The following GLMN variants were observed in gnomAD, a reference collection of about 807,000 sequenced individuals.
The protein encoded by GLMN is glomulin.
In GLMN, 75 loss-of-function variants were observed where a neutral mutation model predicts 87.8. The ratio of observed to expected loss-of-function variants is 0.85; its 90% CI spans 0.71 to 1.04. The LOEUF is 1.04. Among genes scored for constraint, GLMN ranks in the 50% least tolerant of loss-of-function variants. The pLI is 0.00. For missense variants in GLMN, 588 were observed against 658.8 expected, an observed-to-expected ratio of 0.89 and a Z score of 1.18; for synonymous variants, 206 against 221.6, an observed-to-expected ratio of 0.93 and a Z score of 0.63.
chr1:92,303,180 A>G, upstream of GLMN, among the ~76,000 whole-genome samples: 1 of 152,206 alleles, frequency 6.6e-6, no homozygotes, highest in East Asian at 1.9e-4. Context: ...AGTGTAGTTG[A>G]TAGATCTTTT....
chr1:92,320,737 A>G, the GLMN span: 1 of 808,066 alleles, frequency 1.2e-6, no homozygotes, highest in Non-Finnish European at 2.0e-6. Context: ...GTGCTGATGC[A>G]TTATGTAAGT....
the GLMN span, chr1:92,323,741 TA>T: frequency 1.2e-6 from 2 of 1,614,132 alleles, no homozygotes; most frequent in Non-Finnish European, 1.7e-6. Flanking sequence ...ACTGAGCAGT[TA>T]GGCGATTGCA....
At chr1:92,358,972 A>G in the GLMN span, among the ~76,000 whole-genome samples, 1 of 152,118 alleles carries the variant, frequency 6.6e-6, no homozygotes, top group African/African-American at 2.4e-5. Context: ...TCATCCACTC[A>G]CCTACCAAAC....
At chr1:92,254,861 A>G (rs1654012064) in intron 16 of GLMN, among the ~76,000 whole-genome samples, 1 of 152,238 alleles carries the variant, frequency 6.6e-6, no homozygotes, top group Non-Finnish European at 1.5e-5. Context: ...ACTAATTGGC[A>G]AAATAACCAG....
chr1:92,285,551 C>T (rs1648646743), intron 7 of GLMN, among the ~76,000 whole-genome samples: 1 of 152,186 alleles, frequency 6.6e-6, no homozygotes, highest in South Asian at 2.1e-4. Flanking sequence ...CAACATGGCA[C>T]ATGTATACCT....
chr1:92,260,693 G>A (rs1654921303), intron 16 of GLMN, among the ~76,000 whole-genome samples: 1 of 149,462 alleles, frequency 6.7e-6, no homozygotes, highest in African/African-American at 2.5e-5. Flanking sequence ...GGGAGTTTGA[G>A]GCAGCAGTGA....
intron 16 of GLMN, 78 bp from the exon 17 acceptor site, chr1:92,248,067 AAAC>A: frequency 1.3e-6 from 1 of 741,568 alleles, no homozygotes; most frequent in Non-Finnish European, 2.5e-6. Context: ...AAAGCTCAAA[AAAC>A]AAAAATAAAT....
the GLMN span, among the ~76,000 whole-genome samples, chr1:92,337,173 A>T: frequency 4.4e-4 from 67 of 152,228 alleles, no homozygotes; most frequent in African/African-American, 1.5e-3. Context: ...AGGGTGGAAG[A>T]ATTAATTCAT....
intron 8 of GLMN, among the ~76,000 whole-genome samples, chr1:92,271,013 A>G (rs1656183127): frequency 1.3e-5 from 2 of 152,214 alleles, no homozygotes; most frequent in Non-Finnish European, 2.9e-5. Context: ...TCTTAAAGCA[A>G]TAAAAAGCCA....
At chr1:92,334,686 A>T in the GLMN span, among the ~76,000 whole-genome samples, 1 of 152,150 alleles carries the variant, frequency 6.6e-6, no homozygotes, top group South Asian at 2.1e-4. Context: ...CATCTCTACA[A>T]AAATAAAAAT....
chr1:92,325,282 G>A, the GLMN span, among the ~76,000 whole-genome samples: 454 of 152,226 alleles, frequency 3.0e-3, 1 homozygote, highest in Non-Finnish European at 4.4e-3. Context: ...AAATTTAAAA[G>A]CACATTGGAG....
At chr1:92,342,818 G>T in the GLMN span, among the ~76,000 whole-genome samples, 1 of 152,102 alleles carries the variant, frequency 6.6e-6, no homozygotes, top group East Asian at 1.9e-4. Context: ...ATTCTGGAAG[G>T]ATAGGGTAAG....
chr1:92,288,875 C>T, intron 6 of GLMN, 39 bp downstream of exon 6: 1 of 962,072 alleles, frequency 1.0e-6, no homozygotes, highest in East Asian at 2.4e-5. Flanking sequence ...CTATCAATTA[C>T]TTAAGTCCAC....
chr1:92,263,047 T>G (rs1655222216), intron 15 of GLMN, 121 bp from the exon 16 acceptor site: 2 of 545,776 alleles, frequency 3.7e-6, no homozygotes, highest in African/African-American at 3.8e-5. Context: ...CTATTTCCAT[T>G]AATATCTTTT....
At chr1:92,313,603 A>G in the GLMN span, among the ~76,000 whole-genome samples, 2 of 152,142 alleles carry the variant, frequency 1.3e-5, no homozygotes, top group African/African-American at 4.8e-5. Flanking sequence ...GGATTTTCAG[A>G]ATAATAAATA....
the GLMN span, among the ~76,000 whole-genome samples, chr1:92,328,233 A>C: frequency 6.6e-6 from 1 of 152,184 alleles, no homozygotes; most frequent in Non-Finnish European, 1.5e-5. Context: ...TTCCTTGATT[A>C]TTCCCTCAAA....
At chr1:92,288,775 A>G (rs1649069653) in intron 6 of GLMN, 139 bp downstream of exon 6, 4 of 677,372 alleles carry the variant, frequency 5.9e-6, no homozygotes, top group African/African-American at 1.8e-5. Flanking sequence ...TGCTGTATCA[A>G]CTGAACCCCA....
chr1:92,333,333 T>C, the GLMN span: 1 of 1,362,128 alleles, frequency 7.3e-7, no homozygotes, highest in Non-Finnish European at 1.0e-6. Context: ...GTTCTGCTTA[T>C]CAAAGAAAGA....
intron 9 of GLMN, among the ~76,000 whole-genome samples, chr1:92,268,969 A>G (rs1655949125): frequency 6.9e-6 from 1 of 144,594 alleles, no homozygotes; most frequent in Admixed American, 7.1e-5. Flanking sequence ...CCCAGGCTGG[A>G]CTGCAGTGGC....
Sources: allele counts gnomAD v4.1 joint callset (sites outside exome capture counted in the v4.1 genomes callset), GRCh38; gene constraint gnomAD v4.1.1; transcripts MANE v1.5; gene names NCBI Gene and HGNC (gene_info 2026-07-23, HGNC 2026-07-21).